DPP4: variants seen among roughly 807,000 people sequenced by gnomAD.
DPP4 encodes ADCP-2.
In DPP4, 93 loss-of-function variants were observed where a neutral mutation model predicts 122.4. The ratio of observed to expected loss-of-function variants is 0.76; its 90% CI spans 0.64 to 0.90. The LOEUF is 0.90. Among genes scored for constraint, DPP4 ranks in the 40% least tolerant of loss-of-function variants. The pLI, the probability that DPP4 is intolerant of heterozygous loss-of-function variation, is 0.00. For missense variants in DPP4, 914 were observed against 907.3 expected (o/e 1.01, Z -0.09); for synonymous variants, 321 against 302.9 (o/e 1.06, Z -0.62).
chr2:162,014,244 G>T, intron 19 of DPP4, 152 bp downstream of exon 19: 1 of 628,914 alleles, frequency 1.6e-6, no homozygotes, highest in Non-Finnish European at 2.8e-6. Context: ...CACAGGTTGG[G>T]TTTTGTGGCT....
At chr2:162,049,839 CTT>C (rs899669049) in intron 2 of DPP4, among the ~76,000 whole-genome samples, 4 of 152,042 alleles carry the variant, frequency 2.6e-5, no homozygotes, top group African/African-American at 9.7e-5. Context: ...CCTAAAACAA[CTT>C]TGTTTCAAGA....
chr2:162,051,164 G>A (rs1684369789), intron 2 of DPP4, among the ~76,000 whole-genome samples: 1 of 152,168 alleles, frequency 6.6e-6, no homozygotes, highest in Non-Finnish European at 1.5e-5. Context: ...GTTAAAAAAG[G>A]TAGAATAGTG....
chr2:162,044,890 T>G (rs1420826261), intron 5 of DPP4, among the ~76,000 whole-genome samples: 1 of 152,130 alleles, frequency 6.6e-6, no homozygotes, highest in Non-Finnish European at 1.5e-5. Flanking sequence ...TGGGAGATGG[T>G]CTGGGCCATC....
chr2:162,015,926 C>A (rs926746423), intron 18 of DPP4, among the ~76,000 whole-genome samples: 2 of 152,146 alleles, frequency 1.3e-5, no homozygotes, highest in African/African-American at 2.4e-5. Context: ...TAATACAAAT[C>A]CAGAAACCTG....
chr2:162,071,252 C>T (rs1163297752), intron 2 of DPP4, among the ~76,000 whole-genome samples: 1 of 152,320 alleles, frequency 6.6e-6, no homozygotes, highest in Non-Finnish European at 1.5e-5. Context: ...TCTCATGTCT[C>T]TGTGTTGAAA....
At chr2:162,028,197 A>G (rs1683409377) in intron 10 of DPP4, among the ~76,000 whole-genome samples, 1 of 152,068 alleles carries the variant, frequency 6.6e-6, no homozygotes, top group Non-Finnish European at 1.5e-5. Context: ...CCCTGTGTCT[A>G]CTAAAAATAC....
intron 11 of DPP4, among the ~76,000 whole-genome samples, chr2:162,023,691 T>C (rs1384987195): frequency 6.6e-6 from 1 of 152,152 alleles, no homozygotes; most frequent in East Asian, 1.9e-4. Context: ...CCTCTGTACC[T>C]TGGTTGAACC....
rs566960883 is a variant in DPP4, at chr2:162,068,461, C to T, written c.94+4938G>A. On this transcript the variant is annotated intron_variant, in intron 2 of 25. Coordinates refer to ENST00000360534, the MANE Select transcript of DPP4 (RefSeq NM_001935.4). ...CTTCTTTGATAGTCATTGGAGCCAG[C>T]CTCCATCATGGTTCCCAATGATCTC... Among the ~76,000 whole-genome samples the T allele has an allele frequency of 3.9e-5, 6 of 152,260 alleles. No homozygotes were observed. In the South Asian group the frequency reaches 1.2e-3, roughly 32 times the overall value.
At position 162,011,182 on chromosome 2, in the gene DPP4, C is replaced by T. The variant is rs559309849; in HGVS notation, c.1832+611G>A. On this transcript the variant is annotated intron_variant, in intron 20 of 25. Transcript: ENST00000360534. ...ATGAGTAACCATCATTGATTGTTAA[C>T]ATCTCTTGAGCCAGATCACATCTAG... Among the ~76,000 whole-genome samples, 5 of 152,256 alleles carry T rather than the reference C, an allele frequency of 3.3e-5. No individual in the cohort carries two copies. In the South Asian group the frequency reaches 1.0e-3, roughly 32 times the overall value.
chr2:161,995,083 TTCTGGTAC>T, intron 24 of DPP4, 49 bp from the exon 25 acceptor site: 1 of 1,598,490 alleles, frequency 6.3e-7, no homozygotes, highest in Non-Finnish European at 8.6e-7. Context: ...CACTCCAGTT[TTCTGGTAC>T]CAAGGGGTGG....
intron 2 of DPP4, among the ~76,000 whole-genome samples, chr2:162,060,870 C>T (rs1684744569): frequency 6.6e-6 from 1 of 151,468 alleles, no homozygotes; most frequent in African/African-American, 2.4e-5. Flanking sequence ...TCCTTCCTTC[C>T]TTCCTTCCCT....
rs1374583695 is a variant in DPP4, at chr2:161,994,993, G to A, written c.2167C>T (p.Leu723=). The change falls in exon 25 of 26, where the codon CTG becomes TTG. Residue 723 remains leucine, a synonymous_variant. Coordinates refer to ENST00000360534, the MANE Select transcript of DPP4 (RefSeq NM_001935.4). ...FQQSAQISKA[L]VDVGVDFQAM... ...TGGAAATCCACTCCAACATCGACCA[G>A]GGCTTTGGAGATCTGAGCTGACTGC... is the stretch of plus-strand genomic sequence containing the variant. 3 of 1,614,052 alleles carry A rather than the reference G, an allele frequency of 1.9e-6. No homozygotes were observed. Among genetic ancestry groups the A allele is most frequent in the Non-Finnish European group, 2.5e-6 (3 of 1,179,976 alleles).
intron 11 of DPP4, 64 bp from the exon 12 acceptor site, chr2:162,022,863 A>T: frequency 6.6e-7 from 1 of 1,511,604 alleles, no homozygotes; most frequent in Non-Finnish European, 9.2e-7. Context: ...TATAGCCATA[A>T]TTTGTGGTAA....
At position 162,037,878 on chromosome 2, in the gene DPP4, C is replaced by T. The variant is rs188575616; in HGVS notation, c.613+424G>A. On this transcript the variant is annotated intron_variant, in intron 8 of 25. Coordinates refer to ENST00000360534, the MANE Select transcript of DPP4 (RefSeq NM_001935.4). Reference sequence around the variant, plus strand: ...TCCTCTATAAAATAGGCATTTTCTTCCCCTGTACTCTCCAACCTGTATATA... The same window carrying T: ...TCCTCTATAAAATAGGCATTTTCTTTCCCTGTACTCTCCAACCTGTATATA... 1.8e-3 allele frequency among the ~76,000 whole-genome samples: 276 copies of T among 152,230 alleles called. 2 individuals carry two copies. The highest frequency in any genetic ancestry group is 2.8e-3 in the Non-Finnish European group (193 of 68,002).
intron 2 of DPP4, among the ~76,000 whole-genome samples, chr2:162,048,727 G>C (rs929432481): frequency 6.6e-6 from 1 of 152,094 alleles, no homozygotes; most frequent in Non-Finnish European, 1.5e-5. Flanking sequence ...TGCCCCCTCT[G>C]ACTTTTGCCC....
intron 2 of DPP4, among the ~76,000 whole-genome samples, chr2:162,053,127 C>T (rs1027043724): frequency 4.6e-5 from 7 of 152,330 alleles, no homozygotes; most frequent in Admixed American, 3.3e-4. Context: ...TGGCCTGATC[C>T]TCCCCAGGTT....
intron 15 of DPP4, 104 bp from the exon 16 acceptor site, chr2:162,018,954 G>T (rs764347566): frequency 3.5e-5 from 50 of 1,427,128 alleles, no homozygotes; most frequent in Non-Finnish European, 4.6e-5. Flanking sequence ...GCATGCCAAC[G>T]CAATCTTTAG....
chr2:162,019,722 C>A (rs865785623), intron 14 of DPP4, among the ~76,000 whole-genome samples: 2 of 152,080 alleles, frequency 1.3e-5, no homozygotes, highest in Middle Eastern at 6.8e-3. Flanking sequence ...CTACTTCGGG[C>A]GGCGGCAAAA....
At chr2:161,999,812 A>G (rs1018284516) in intron 23 of DPP4, among the ~76,000 whole-genome samples, 2 of 152,208 alleles carry the variant, frequency 1.3e-5, no homozygotes, top group Non-Finnish European at 2.9e-5. Flanking sequence ...CTTCCTGGAG[A>G]TAATAATGGT....
Sources: allele counts gnomAD v4.1 joint callset (sites outside exome capture counted in the v4.1 genomes callset), GRCh38; gene constraint gnomAD v4.1.1; transcripts MANE v1.5; gene names NCBI Gene and HGNC (gene_info 2026-07-23, HGNC 2026-07-21).